FBXL17: variants seen among roughly 807,000 people sequenced by gnomAD.
FBXL17 encodes F-box and leucine rich repeat protein 17, also known as F-box/LRR-repeat protein 17.
FBXL17 carries 22 observed loss-of-function variants against 66.2 expected under a neutral mutation model. The observed-to-expected ratio is 0.33, with a 90% CI of 0.24 to 0.47. FBXL17 has a LOEUF of 0.47. FBXL17 is among the 20% of genes least tolerant of loss of function. FBXL17 has a pLI of 1.00. For synonymous variants in FBXL17, 474 were observed against 400.5 expected (o/e 1.18, Z -2.19); for missense variants, 878 against 948.2 (o/e 0.93, Z 0.97).
intron 4 of FBXL17, among the ~76,000 whole-genome samples, chr5:108,342,483 T>C (rs146422352): frequency 2.0e-5 from 3 of 152,206 alleles, no homozygotes; most frequent in Non-Finnish European, 4.4e-5. Context: ...AATAATTAAC[T>C]TCTTCCTTTG....
chr5:108,087,934 T>C (rs888292763), intron 6 of FBXL17, among the ~76,000 whole-genome samples: 22 of 152,210 alleles, frequency 1.4e-4, no homozygotes, highest in African/African-American at 5.1e-4. Flanking sequence ...GTCACCAGTT[T>C]CGCTTTTTTT....
chr5:108,003,916 T>C (rs536236531), intron 7 of FBXL17, among the ~76,000 whole-genome samples: 2 of 151,990 alleles, frequency 1.3e-5, no homozygotes, highest in Non-Finnish European at 2.9e-5. Flanking sequence ...TTTGAGAAAA[T>C]AAGGTTTGAA....
intron 7 of FBXL17, among the ~76,000 whole-genome samples, chr5:108,020,185 A>G (rs964143174): frequency 3.9e-5 from 6 of 151,918 alleles, no homozygotes; most frequent in Admixed American, 3.3e-4. Context: ...GTCAGAGAAA[A>G]TAAACGAAAA....
intron 6 of FBXL17, among the ~76,000 whole-genome samples, chr5:108,062,070 CA>C (rs1747945148): frequency 6.6e-6 from 1 of 151,968 alleles, no homozygotes; most frequent in Admixed American, 6.6e-5. Flanking sequence ...GAGTAACAAG[CA>C]GTCAGAATAA....
intron 7 of FBXL17, among the ~76,000 whole-genome samples, chr5:107,900,237 T>C (rs887343834): frequency 6.6e-6 from 1 of 152,208 alleles, no homozygotes; most frequent in South Asian, 2.1e-4. Context: ...CTTGGTTTAA[T>C]TGAAGCAAAT....
chr5:107,900,912 T>G (rs916595288), intron 7 of FBXL17, among the ~76,000 whole-genome samples: 3 of 152,094 alleles, frequency 2.0e-5, no homozygotes, highest in Non-Finnish European at 4.4e-5. Flanking sequence ...AGTAAGCCTC[T>G]CCAGAGACAG....
chr5:107,891,475 T>C (rs1445054140), intron 7 of FBXL17, among the ~76,000 whole-genome samples: 1 of 151,978 alleles, frequency 6.6e-6, no homozygotes, highest in Non-Finnish European at 1.5e-5. Flanking sequence ...GGAAGACCAA[T>C]AAGGAGGCCA....
intron 4 of FBXL17, among the ~76,000 whole-genome samples, chr5:108,306,844 G>A (rs1758865389): frequency 6.6e-6 from 1 of 151,626 alleles, no homozygotes; most frequent in African/African-American, 2.4e-5. Context: ...TCACTTGTGA[G>A]CACATTAAAA....
chr5:107,975,836 T>C (rs1752555152), intron 7 of FBXL17, among the ~76,000 whole-genome samples: 1 of 146,764 alleles, frequency 6.8e-6, no homozygotes, highest in Non-Finnish European at 1.5e-5. Context: ...TTATGATAAT[T>C]AGAGGGTTTT....
At chr5:108,204,179 A>G (rs1463555968) in intron 5 of FBXL17, among the ~76,000 whole-genome samples, 1 of 152,102 alleles carries the variant, frequency 6.6e-6, no homozygotes, top group Non-Finnish European at 1.5e-5. Flanking sequence ...CCATCTTAAT[A>G]GTTATTTAAT....
At chr5:108,217,370 C>A (rs1178320004) in intron 5 of FBXL17, among the ~76,000 whole-genome samples, 1 of 151,946 alleles carries the variant, frequency 6.6e-6, no homozygotes, top group Non-Finnish European at 1.5e-5. Flanking sequence ...ACAATATATA[C>A]CCTTGTCATC....
At chr5:108,255,125 T>TACAC (rs1756518923) in intron 4 of FBXL17, among the ~76,000 whole-genome samples, 1 of 152,152 alleles carries the variant, frequency 6.6e-6, no homozygotes, top group Admixed American at 6.6e-5. Flanking sequence ...CATACATACA[T>TACAC]ACACACATAA....
intron 7 of FBXL17, among the ~76,000 whole-genome samples, chr5:107,994,598 G>A (rs1345672232): frequency 6.6e-6 from 1 of 152,168 alleles, no homozygotes; most frequent in Non-Finnish European, 1.5e-5. Context: ...CCAGCACTTT[G>A]GGAGGCTGAG....
At chr5:108,272,676 A>C (rs2150139717) in intron 4 of FBXL17, among the ~76,000 whole-genome samples, 1 of 152,240 alleles carries the variant, frequency 6.6e-6, no homozygotes, top group South Asian at 2.1e-4. Flanking sequence ...TTCTATAATA[A>C]ATGATCCCGC....
chr5:108,126,948 T>C (rs978293714), intron 6 of FBXL17, among the ~76,000 whole-genome samples: 1 of 152,038 alleles, frequency 6.6e-6, no homozygotes, highest in Admixed American at 6.6e-5. Context: ...TGAATACTAC[T>C]ATAAACATCA....
intron 6 of FBXL17, among the ~76,000 whole-genome samples, chr5:108,079,947 T>G (rs944611577): frequency 6.6e-6 from 1 of 152,244 alleles, no homozygotes; most frequent in African/African-American, 2.4e-5. Flanking sequence ...TTCAACCTAA[T>G]GCCCCCTAGA....
rs2112474443 is a variant in FBXL17, at chr5:107,859,619, T to TA, written c.*2100dup. ...CTTTAGATTCAAACAATGCAACATT[T>TA]AAAAAAATCAATTATACATTCTGAA... On this transcript the variant is annotated 3_prime_UTR_variant, in exon 9 of 9. Coordinates refer to ENST00000542267, the MANE Select transcript of FBXL17 (RefSeq NM_001163315.3). 1 of 145,214 alleles carries TA rather than the reference T, an allele frequency of 6.9e-6. No homozygotes were observed. Among genetic ancestry groups the TA allele is most frequent in the African/African-American group, 2.5e-5 (1 of 39,488 alleles). The allele number at this position is 145,214 out of a possible 1,614,324, so 9.0% of individuals were successfully genotyped here.
At chr5:107,985,119 C>T (rs1257765121) in intron 7 of FBXL17, among the ~76,000 whole-genome samples, 2 of 152,158 alleles carry the variant, frequency 1.3e-5, no homozygotes, top group East Asian at 1.9e-4. Context: ...AAAATAGGAA[C>T]TGACTGGAGG....
intron 3 of FBXL17, among the ~76,000 whole-genome samples, chr5:108,356,747 T>C (rs1243228212): frequency 6.6e-6 from 1 of 152,072 alleles, no homozygotes; most frequent in Non-Finnish European, 1.5e-5. Flanking sequence ...TAATGGTAGA[T>C]ACATGTCATT....
Sources: allele counts gnomAD v4.1 joint callset (sites outside exome capture counted in the v4.1 genomes callset), GRCh38; gene constraint gnomAD v4.1.1; transcripts MANE v1.5; gene names NCBI Gene and HGNC (gene_info 2026-07-23, HGNC 2026-07-21).